The following CMC1 variants were observed in gnomAD, a reference collection of about 807,000 sequenced individuals.
CMC1 encodes the protein COX assembly mitochondrial protein homolog.
Under a neutral mutation model 14.1 loss-of-function variants are expected in CMC1, and 14 were observed. That is an observed-to-expected ratio of 0.99 (90% CI 0.66 to 1.55). The LOEUF (loss-of-function observed/expected upper bound fraction) is 1.55, where lower values mean the gene tolerates loss of function less well. Ranked by LOEUF, CMC1 falls within the 40% of genes most tolerant of loss-of-function variation. The pLI, the probability that CMC1 is intolerant of heterozygous loss-of-function variation, is 0.00. For synonymous variants in CMC1, 50 were observed against 38.4 expected (o/e 1.30, Z -1.12); for missense variants, 127 against 123.8 (o/e 1.03, Z -0.12).
rs1271854311 is a variant in CMC1, at chr3:28,263,333, AAAT to A, written c.66_68del (p.Ile22del). 6.2e-7 allele frequency: 1 copy of A among 1,609,486 alleles called. No individual in the cohort carries two copies. The highest frequency in any genetic ancestry group is 8.5e-7 in the Non-Finnish European group (1 of 1,178,138). On this transcript the variant is annotated inframe_deletion, in exon 2 of 4. Coordinates refer to ENST00000466830, the MANE Select transcript of CMC1 (RefSeq NM_182523.2). ...GTCGAAAAAGATGTTTTGATCCCTAAAATAATGAGAGAAAAGGCCAAAGAGAGG... is the reference window on the plus strand; with the variant it reads ...GTCGAAAAAGATGTTTTGATCCCTAAAATGAGAGAAAAGGCCAAAGAGAGG...
At chr3:28,288,681 G>A (rs1340330661) in intron 2 of CMC1, among the ~76,000 whole-genome samples, 1 of 151,940 alleles carries the variant, frequency 6.6e-6, no homozygotes, top group African/African-American at 2.4e-5. Context: ...AAAAAAGAAA[G>A]CTTTAGCTGC....
chr3:28,260,269 G>A (rs898124449), intron 1 of CMC1, among the ~76,000 whole-genome samples: 2 of 151,870 alleles, frequency 1.3e-5, no homozygotes, highest in African/African-American at 2.4e-5. Context: ...ATACTGGTGT[G>A]TAGATTTGGT....
At chr3:28,313,110 GC>G (rs1334075731) in intron 2 of CMC1, among the ~76,000 whole-genome samples, 7 of 152,110 alleles carry the variant, frequency 4.6e-5, no homozygotes, top group Admixed American at 1.3e-4. Context: ...ACCCACCTTA[GC>G]CCCCAAAGTG....
chr3:28,300,787 G>A (rs919057217), intron 2 of CMC1, among the ~76,000 whole-genome samples: 2 of 147,910 alleles, frequency 1.4e-5, no homozygotes, highest in African/African-American at 2.5e-5. Context: ...AAGATGTAGA[G>A]AGTACCAAAC....
chr3:28,319,535 A>C lies in CMC1; in HGVS notation c.227A>C (p.Glu76Ala). ...AYYNDPAFYEECKMEYLKERE... is the reference protein window; with the variant it reads ...AYYNDPAFYEACKMEYLKERE... ...TATAATGATCCAGCCTTTTATGAAG[A>C]ATGCAAAATGGAATACCTGAAGGAA... Residue 76 changes from glutamate (E) to alanine (A), a missense_variant, in exon 4 of 4, where the codon GAA (glutamate) becomes GCA (alanine). Glu to Ala is a moderately radical substitution (Grantham distance 107). Coordinates refer to ENST00000466830, the MANE Select transcript of CMC1 (RefSeq NM_182523.2). 2 of 1,604,120 alleles carry C rather than the reference A, an allele frequency of 1.2e-6. No homozygotes were observed. The highest frequency in any genetic ancestry group is 4.5e-5 in the East Asian group (2 of 44,692).
At chr3:28,289,861 A>T (rs1701379616) in intron 2 of CMC1, among the ~76,000 whole-genome samples, 1 of 152,162 alleles carries the variant, frequency 6.6e-6, no homozygotes, top group Non-Finnish European at 1.5e-5. Context: ...TACCATTCAC[A>T]AAGACAGACA....
chr3:28,302,267 G>A (rs1395580562), intron 2 of CMC1, among the ~76,000 whole-genome samples: 5 of 152,178 alleles, frequency 3.3e-5, no homozygotes, highest in South Asian at 2.1e-4. Flanking sequence ...GATGAGAGAA[G>A]GCAAAGCATC....
At chr3:28,265,542 A>G (rs770463698) in intron 2 of CMC1, among the ~76,000 whole-genome samples, 1 of 152,158 alleles carries the variant, frequency 6.6e-6, no homozygotes, top group Non-Finnish European at 1.5e-5. Context: ...TAAAAGATAC[A>G]GGAATTTTAA....
chr3:28,318,917 G>T, intron 3 of CMC1: 1 of 193,704 alleles, frequency 5.2e-6, no homozygotes, highest in South Asian at 8.6e-5. Context: ...TTTTCTTCAG[G>T]ATTGATTTTA....
rs370282862 is a variant in CMC1, at chr3:28,324,364, G to A, written c.*4735G>A. On this transcript the variant is annotated 3_prime_UTR_variant, in exon 4 of 4. Transcript: ENST00000466830. ...AGCTTTGCCATTTGGTAAGAGAGGGGGATGTCTTGTGTATGTTGCAGTAAA... is the reference window on the plus strand; with the variant it reads ...AGCTTTGCCATTTGGTAAGAGAGGGAGATGTCTTGTGTATGTTGCAGTAAA... 3.1e-6 allele frequency: 5 copies of A among 1,590,986 alleles called. No individual in the cohort carries two copies. The South Asian group carries it at 3.4e-5, about 11-fold the overall frequency.
chr3:28,279,455 G>A (rs1700756419), intron 2 of CMC1, among the ~76,000 whole-genome samples: 1 of 152,140 alleles, frequency 6.6e-6, no homozygotes, highest in Admixed American at 6.5e-5. Context: ...GAAACAAGAA[G>A]ACATGAACCA....
chr3:28,247,173 T>C (rs1246506496), intron 1 of CMC1, among the ~76,000 whole-genome samples: 1 of 152,196 alleles, frequency 6.6e-6, no homozygotes, highest in Non-Finnish European at 1.5e-5. Context: ...TGCTTCATCT[T>C]GTACCTACCC....
At chr3:28,243,032 T>C (rs1004918661) in intron 1 of CMC1, among the ~76,000 whole-genome samples, 1 of 151,960 alleles carries the variant, frequency 6.6e-6, no homozygotes, top group Admixed American at 6.6e-5. Flanking sequence ...AAGGTTCAAG[T>C]TTAGGCCCAT....
At chr3:28,246,169 CG>C (rs1282964389) in intron 1 of CMC1, among the ~76,000 whole-genome samples, 1 of 151,114 alleles carries the variant, frequency 6.6e-6, no homozygotes, top group African/African-American at 2.4e-5. Context: ...ACATAAATTA[CG>C]TTGGTGGCTC....
chr3:28,263,196 A>G (rs547557759), intron 1 of CMC1, 95 bp from the exon 2 acceptor site: 9 of 821,942 alleles, frequency 1.1e-5, no homozygotes, highest in East Asian at 5.5e-5. Flanking sequence ...GTATATTTGC[A>G]TAGGCTTTTA....
intron 1 of CMC1, among the ~76,000 whole-genome samples, chr3:28,244,440 A>T (rs1230815059): frequency 6.6e-6 from 1 of 152,092 alleles, no homozygotes; most frequent in African/African-American, 2.4e-5. Flanking sequence ...AGAGAAAGGG[A>T]GGAAACAGTG....
At chr3:28,263,060 A>C in intron 1 of CMC1, 1 of 432,670 alleles carries the variant, frequency 2.3e-6, no homozygotes, top group Non-Finnish European at 4.1e-6. Flanking sequence ...TATAGTTTGC[A>C]GAAATTTTAA....
chr3:28,324,183 G>A lies in CMC1; in HGVS notation c.*4554G>A, dbSNP rs1416094164. The A allele has an allele frequency of 6.2e-6, 10 of 1,610,578 alleles. No homozygotes were observed. The highest frequency in any genetic ancestry group is 7.6e-6 in the Non-Finnish European group (9 of 1,177,640). ...GAGGACTTGGAAATACCCAGGAATT[G>A]TCTTCCAGAGAATTTCTGCCATAAG... On this transcript the variant is annotated 3_prime_UTR_variant, in exon 4 of 4. Coordinates refer to ENST00000466830, the MANE Select transcript of CMC1 (RefSeq NM_182523.2).
At chr3:28,284,258 T>C (rs1701054553) in intron 2 of CMC1, among the ~76,000 whole-genome samples, 1 of 152,200 alleles carries the variant, frequency 6.6e-6, no homozygotes. Context: ...TAAGGCTTCA[T>C]GCAACTTCTT....
Sources: gnomAD v4.1 joint callset for allele counts (sites outside exome capture counted in the v4.1 genomes callset) on GRCh38, gnomAD v4.1.1 for gene constraint, MANE v1.5 for transcripts, NCBI Gene and HGNC (gene_info 2026-07-23, HGNC 2026-07-21) for gene names.